The following GPC5 variants were observed in gnomAD, a reference collection of about 807,000 sequenced individuals.
The protein encoded by GPC5 is glypican-5.
A neutral mutation model predicts 53.9 loss-of-function variants in GPC5; 47 were observed. The observed-to-expected ratio is 0.87, with a 90% CI of 0.69 to 1.11. The LOEUF (loss-of-function observed/expected upper bound fraction) is 1.11. Among genes scored for constraint, GPC5 ranks in the 50% most tolerant of loss-of-function variants. The pLI, the probability that GPC5 is intolerant of heterozygous loss-of-function variation, is 0.00. For missense variants in GPC5, 748 were observed against 713.1 expected (o/e 1.05, Z -0.56); for synonymous variants, 286 against 263.3 (o/e 1.09, Z -0.84).
chr13:91,447,731 A>C (rs1880905050), intron 1 of GPC5, among the ~76,000 whole-genome samples: 1 of 152,216 alleles, frequency 6.6e-6, no homozygotes, highest in South Asian at 2.1e-4. Flanking sequence ...ATCTAAAATT[A>C]GTTGATGAAG....
intron 6 of GPC5, among the ~76,000 whole-genome samples, chr13:91,924,787 C>A (rs1307838051): frequency 6.6e-6 from 1 of 151,580 alleles, no homozygotes; most frequent in Non-Finnish European, 1.5e-5. Context: ...ATATCATTAT[C>A]TGACATTTTA....
At chr13:92,698,399 G>A (rs1035574690) in intron 7 of GPC5, among the ~76,000 whole-genome samples, 3 of 151,776 alleles carry the variant, frequency 2.0e-5, no homozygotes, top group Non-Finnish European at 2.9e-5. Context: ...TCCCACCTAT[G>A]AGTGAGAACA....
At chr13:92,250,956 G>A (rs2042688555) in intron 7 of GPC5, among the ~76,000 whole-genome samples, 1 of 152,084 alleles carries the variant, frequency 6.6e-6, no homozygotes, top group Non-Finnish European at 1.5e-5. Flanking sequence ...AGAAATCCAA[G>A]TTAAAATAAT....
At chr13:91,573,084 C>A (rs970051733) in intron 2 of GPC5, among the ~76,000 whole-genome samples, 2 of 152,080 alleles carry the variant, frequency 1.3e-5, no homozygotes, top group Non-Finnish European at 2.9e-5. Flanking sequence ...TCCTGATGTT[C>A]TGGGAAGAAA....
intron 7 of GPC5, among the ~76,000 whole-genome samples, chr13:92,375,979 A>T (rs552682382): frequency 6.6e-6 from 1 of 152,316 alleles, no homozygotes; most frequent in South Asian, 2.1e-4. Flanking sequence ...GAGCTATGCT[A>T]ATGGGAGACA....
rs1468329070 is a variant in GPC5, at chr13:91,609,245, G to A, written c.326-83942G>A. On this transcript the variant is annotated intron_variant, in intron 2 of 7. Transcript: ENST00000377067. ...TGCTGTATCATATTAGGTGCCAGTA[G>A]CTAAAGCTCTGAGAGCCGGGAGTGG... Among the ~76,000 whole-genome samples the A allele has an allele frequency of 2.0e-5, 3 of 151,780 alleles. No individual in the cohort carries two copies. In the East Asian group the frequency reaches 6.0e-4, roughly 30 times the overall value.
At chr13:92,265,344 C>G (rs533145112) in intron 7 of GPC5, among the ~76,000 whole-genome samples, 72 of 152,236 alleles carry the variant, frequency 4.7e-4, no homozygotes, top group African/African-American at 1.6e-3. Context: ...TGAGAAATTT[C>G]TTTCTCCAGA....
At chr13:92,864,681 A>T (rs1477598225) in intron 7 of GPC5, among the ~76,000 whole-genome samples, 1 of 152,084 alleles carries the variant, frequency 6.6e-6, no homozygotes, top group Non-Finnish European at 1.5e-5. Context: ...TAAAAAAAAT[A>T]AAAAAGGGAA....
intron 6 of GPC5, among the ~76,000 whole-genome samples, chr13:92,009,666 G>A (rs1022581916): frequency 5.9e-5 from 9 of 152,064 alleles, no homozygotes; most frequent in African/African-American, 9.7e-5. Flanking sequence ...ATTCTTCCCT[G>A]CAAATTCCAG....
intron 5 of GPC5, among the ~76,000 whole-genome samples, chr13:91,772,747 G>A (rs921474627): frequency 2.0e-5 from 3 of 152,050 alleles, no homozygotes; most frequent in Non-Finnish European, 2.9e-5. Flanking sequence ...CAAGTGCAGT[G>A]GTCTCCAAAG....
intron 2 of GPC5, among the ~76,000 whole-genome samples, chr13:91,461,706 A>G (rs1881938570): frequency 6.6e-6 from 1 of 152,078 alleles, no homozygotes; most frequent in African/African-American, 2.4e-5. Flanking sequence ...GCAGTAAAAC[A>G]TTTCATGGCA....
At chr13:91,978,418 C>A (rs1270940534) in intron 6 of GPC5, among the ~76,000 whole-genome samples, 1 of 152,172 alleles carries the variant, frequency 6.6e-6, no homozygotes, top group Non-Finnish European at 1.5e-5. Flanking sequence ...GGTAGATAAA[C>A]CAACCACTGG....
chr13:91,930,674 TA>T (rs936184510), intron 6 of GPC5, among the ~76,000 whole-genome samples: 5 of 152,108 alleles, frequency 3.3e-5, no homozygotes, highest in African/African-American at 1.2e-4. Context: ...GCTACCACCC[TA>T]AACAGTACTA....
At chr13:92,205,193 G>T (rs1402928950) in intron 7 of GPC5, among the ~76,000 whole-genome samples, 1 of 151,594 alleles carries the variant, frequency 6.6e-6, no homozygotes, top group African/African-American at 2.4e-5. Context: ...TTGTTTTTTT[G>T]TTTGTTTGTT....
At chr13:91,560,987 A>G (rs2031229860) in intron 2 of GPC5, among the ~76,000 whole-genome samples, 1 of 152,038 alleles carries the variant, frequency 6.6e-6, no homozygotes, top group Non-Finnish European at 1.5e-5. Flanking sequence ...AGGCACATCT[A>G]GATTTTACTA....
intron 7 of GPC5, among the ~76,000 whole-genome samples, chr13:92,468,249 T>G (rs549883112): frequency 3.3e-4 from 50 of 152,188 alleles, no homozygotes; most frequent in Non-Finnish European, 4.1e-4. Flanking sequence ...ATTGCTTCCC[T>G]TCAAGGGAAA....
At chr13:91,695,137 C>T (rs2035852419) in intron 3 of GPC5, among the ~76,000 whole-genome samples, 1 of 152,044 alleles carries the variant, frequency 6.6e-6, no homozygotes. Flanking sequence ...AATTTAACTC[C>T]CTGCTTCATT....
intron 5 of GPC5, among the ~76,000 whole-genome samples, chr13:91,808,562 A>C (rs1348081735): frequency 2.0e-5 from 3 of 152,196 alleles, no homozygotes; most frequent in Non-Finnish European, 4.4e-5. Flanking sequence ...AGACAGAGAA[A>C]GCACAGTGAA....
intron 7 of GPC5, among the ~76,000 whole-genome samples, chr13:92,172,541 A>C (rs973663276): frequency 2.0e-5 from 3 of 152,202 alleles, no homozygotes; most frequent in Non-Finnish European, 2.9e-5. Flanking sequence ...AAAGTGGTAA[A>C]AAAGAAGGGA....
Sources: gnomAD v4.1 joint callset for allele counts (sites outside exome capture counted in the v4.1 genomes callset) on GRCh38, gnomAD v4.1.1 for gene constraint, MANE v1.5 for transcripts, NCBI Gene and HGNC (gene_info 2026-07-23, HGNC 2026-07-21) for gene names.